Variants in PRKCE observed in about 807,000 individuals in gnomAD.
PRKCE encodes the protein protein kinase C epsilon type.
A neutral mutation model predicts 85.4 loss-of-function variants in PRKCE; 16 were observed. The observed-to-expected ratio is 0.19, with a 90% CI of 0.13 to 0.28. The LOEUF (loss-of-function observed/expected upper bound fraction) is 0.28. Ranked by LOEUF, PRKCE falls within the 10% of genes least tolerant of loss-of-function variation. PRKCE has a pLI of 1.00. For synonymous variants in PRKCE, 388 were observed against 371.5 expected (o/e 1.04, Z -0.51); for missense variants, 573 against 975.2 (o/e 0.59, Z 5.49).
intron 2 of PRKCE, among the ~76,000 whole-genome samples, chr2:45,863,474 G>T (rs1250626417): frequency 6.6e-6 from 1 of 152,124 alleles, no homozygotes; most frequent in East Asian, 1.9e-4. Flanking sequence ...AAGGGCCAGA[G>T]TGGTGCCTGC....
chr2:45,964,504 G>A (rs952135575), intron 2 of PRKCE, among the ~76,000 whole-genome samples: 2 of 152,222 alleles, frequency 1.3e-5, no homozygotes, highest in African/African-American at 4.8e-5. Flanking sequence ...CTGCCTGGAG[G>A]CTTTTTGCTC....
chr2:45,747,148 A>C (rs6716467), intron 1 of PRKCE, among the ~76,000 whole-genome samples: 1 of 152,224 alleles, frequency 6.6e-6, no homozygotes, highest in South Asian at 2.1e-4. Flanking sequence ...GCATCTCCAC[A>C]GTATGTAATA....
chr2:45,694,025 C>A (rs1011129333), intron 1 of PRKCE, among the ~76,000 whole-genome samples: 2 of 151,676 alleles, frequency 1.3e-5, no homozygotes, highest in African/African-American at 2.4e-5. Context: ...CCACCTTAAT[C>A]CTGGGGGATG....
intron 2 of PRKCE, among the ~76,000 whole-genome samples, chr2:45,863,867 C>T (rs564400838): frequency 6.6e-6 from 1 of 152,224 alleles, no homozygotes; most frequent in East Asian, 1.9e-4. Flanking sequence ...AATGGTGCGC[C>T]TGGCTGCACT....
intron 2 of PRKCE, among the ~76,000 whole-genome samples, chr2:45,897,993 C>T (rs1696277297): frequency 6.6e-6 from 1 of 152,180 alleles, no homozygotes; most frequent in Non-Finnish European, 1.5e-5. Context: ...GTATATACCT[C>T]TTCTTGCCCA....
At chr2:45,953,795 C>T (rs912636709) in intron 2 of PRKCE, among the ~76,000 whole-genome samples, 1 of 152,198 alleles carries the variant, frequency 6.6e-6, no homozygotes, top group Non-Finnish European at 1.5e-5. Context: ...CTGGCTTTCT[C>T]AGCACTCTCC....
chr2:45,903,381 A>G (rs1043147923), intron 2 of PRKCE, among the ~76,000 whole-genome samples: 2 of 152,182 alleles, frequency 1.3e-5, no homozygotes, highest in Middle Eastern at 3.2e-3. Flanking sequence ...CACTTGAGAT[A>G]CAGGGAAGGA....
chr2:46,100,907 C>T (rs540652963), intron 11 of PRKCE, among the ~76,000 whole-genome samples: 17 of 152,002 alleles, frequency 1.1e-4, no homozygotes, highest in Admixed American at 2.6e-4. Flanking sequence ...CTCGCTCTGT[C>T]ACCCATGCTG....
chr2:45,816,193 T>G (rs1475819487), intron 1 of PRKCE, among the ~76,000 whole-genome samples: 1 of 152,202 alleles, frequency 6.6e-6, no homozygotes, highest in Non-Finnish European at 1.5e-5. Context: ...GTTTCATGTG[T>G]GGACTTTCCC....
chr2:46,135,069 A>C (rs893520243), intron 11 of PRKCE, among the ~76,000 whole-genome samples: 4 of 152,200 alleles, frequency 2.6e-5, no homozygotes, highest in African/African-American at 4.8e-5. Context: ...GGGATCAACC[A>C]GGTACCAGGC....
In PRKCE at chr2:45,907,110, C is replaced by G. The variant is rs1697039377; in HGVS notation, c.412+64047C>G. Among the ~76,000 whole-genome samples the G allele has an allele frequency of 6.6e-6, 1 of 152,080 alleles. No homozygotes were observed. Among genetic ancestry groups the G allele is most frequent in the African/African-American group, 2.4e-5 (1 of 41,392 alleles). On this transcript the variant is annotated intron_variant, in intron 2 of 14. Coordinates refer to ENST00000306156, the MANE Select transcript of PRKCE (RefSeq NM_005400.3). This position sits in a 1 kb window ranked among gnomAD's most constrained non-coding sequence, Gnocchi z 4.5. ...GGAAGGCGGTCAGAGGGTACACGCTCCATGTTAAATTTCTGAGGAGCAAAG... is the reference window on the plus strand; with the variant it reads ...GGAAGGCGGTCAGAGGGTACACGCTGCATGTTAAATTTCTGAGGAGCAAAG...
At chr2:45,804,313 C>G (rs1257054413) in intron 1 of PRKCE, among the ~76,000 whole-genome samples, 1 of 152,194 alleles carries the variant, frequency 6.6e-6, no homozygotes, top group Non-Finnish European at 1.5e-5. Flanking sequence ...TAAACATCAG[C>G]ATTATGTGGA....
At chr2:46,062,593 A>G (rs1238162038) in intron 10 of PRKCE, among the ~76,000 whole-genome samples, 1 of 147,648 alleles carries the variant, frequency 6.8e-6, no homozygotes, top group Non-Finnish European at 1.5e-5. Flanking sequence ...TTCTGTGTTT[A>G]TGCATTGACC....
At chr2:45,846,725 C>G (rs904216509) in intron 2 of PRKCE, among the ~76,000 whole-genome samples, 5 of 152,174 alleles carry the variant, frequency 3.3e-5, no homozygotes, top group Non-Finnish European at 7.3e-5. Flanking sequence ...GTCCTTCAGA[C>G]CTGGATTGAA....
intron 14 of PRKCE, among the ~76,000 whole-genome samples, chr2:46,179,387 CTAGG>C (rs1159100384): frequency 1.3e-5 from 2 of 152,084 alleles, no homozygotes; most frequent in African/African-American, 4.8e-5. Flanking sequence ...CGCTGAGTCT[CTAGG>C]CCTCAGAGCT....
chr2:45,757,699 T>A (rs988152112), intron 1 of PRKCE, among the ~76,000 whole-genome samples: 2 of 152,018 alleles, frequency 1.3e-5, no homozygotes, highest in South Asian at 4.2e-4. Context: ...ATAAAAGTGA[T>A]AATTTAGAGA....
In PRKCE at chr2:45,977,361, G is replaced by T. The variant is rs182332451; in HGVS notation, c.572+773G>T. On this transcript the variant is annotated intron_variant, in intron 3 of 14. Transcript: ENST00000306156. ...AAATCAGGAAGGAGGCCAGGCACAAGTGCGGTGGCTGATGTCTATAATCCC... is the reference window on the plus strand; with the variant it reads ...AAATCAGGAAGGAGGCCAGGCACAATTGCGGTGGCTGATGTCTATAATCCC... 2.0e-5 allele frequency among the ~76,000 whole-genome samples: 3 copies of T among 152,268 alleles called. No homozygotes were observed. The East Asian group carries it at 5.8e-4, about 29-fold the overall frequency.
chr2:45,823,761 G>C (rs1184448771), intron 1 of PRKCE, among the ~76,000 whole-genome samples: 3 of 152,212 alleles, frequency 2.0e-5, no homozygotes, highest in Admixed American at 2.0e-4. Flanking sequence ...GTTGTTCCCT[G>C]GGCCCAGTTC....
At chr2:45,659,047 C>T (rs1675513880) in intron 1 of PRKCE, among the ~76,000 whole-genome samples, 1 of 152,222 alleles carries the variant, frequency 6.6e-6, no homozygotes, top group Non-Finnish European at 1.5e-5. Context: ...GATTTAAATA[C>T]ACTTTCAGTG....
Sources: gnomAD v4.1 joint callset for allele counts (sites outside exome capture counted in the v4.1 genomes callset) on GRCh38, gnomAD v4.1.1 for gene constraint, Gnocchi (gnomAD v3.1) non-coding constraint, MANE v1.5 for transcripts, NCBI Gene and HGNC (gene_info 2026-07-23, HGNC 2026-07-21) for gene names.